SRBD1: variants seen among roughly 807,000 people sequenced by gnomAD.
SRBD1 encodes S1 RNA binding domain 1, also known as S1 RNA-binding domain-containing protein 1.
Under a neutral mutation model 115.3 loss-of-function variants are expected in SRBD1, and 88 were observed. The observed-to-expected ratio is 0.76, with a 90% CI of 0.64 to 0.91. The LOEUF (loss-of-function observed/expected upper bound fraction) is 0.91. Among genes scored for constraint, SRBD1 ranks in the 40% least tolerant of loss-of-function variants. The pLI is 0.00. For synonymous variants in SRBD1, 509 were observed against 407.7 expected, an observed-to-expected ratio of 1.25 and a Z score of -2.99; for missense variants, 1,385 against 1,177.4, an observed-to-expected ratio of 1.18 and a Z score of -2.58.
At chr2:45,409,040 G>T (rs1667518895) in intron 19 of SRBD1, among the ~76,000 whole-genome samples, 1 of 152,208 alleles carries the variant, frequency 6.6e-6, no homozygotes, top group Admixed American at 6.5e-5. Context: ...ACAACATGGT[G>T]AAGCCCCGTT....
intron 16 of SRBD1, among the ~76,000 whole-genome samples, chr2:45,456,609 G>A (rs1475147668): frequency 1.3e-5 from 2 of 151,820 alleles, no homozygotes; most frequent in Non-Finnish European, 2.9e-5. Flanking sequence ...TCATCACCTG[G>A]ATGCTATCAA....
chr2:45,605,481 T>C, intron 1 of SRBD1, 40 bp from the exon 2 acceptor site: 2 of 1,562,476 alleles, frequency 1.3e-6, no homozygotes, highest in East Asian at 2.2e-5. Flanking sequence ...CACTTGAATA[T>C]TCTTATCACT....
chr2:45,609,192 C>T (rs748191573), intron 1 of SRBD1, among the ~76,000 whole-genome samples: 9 of 152,210 alleles, frequency 5.9e-5, no homozygotes, highest in Non-Finnish European at 1.2e-4. Flanking sequence ...GATGTTTTGA[C>T]ATATGTATAC....
intron 14 of SRBD1, among the ~76,000 whole-genome samples, chr2:45,538,857 A>C (rs1671845765): frequency 6.6e-6 from 1 of 152,058 alleles, no homozygotes; most frequent in Admixed American, 6.5e-5. Flanking sequence ...AATAATTTTT[A>C]TTTTCCTCTG....
chr2:45,412,872 A>G (rs1328731586), intron 19 of SRBD1, among the ~76,000 whole-genome samples: 1 of 152,184 alleles, frequency 6.6e-6, no homozygotes, highest in African/African-American at 2.4e-5. Flanking sequence ...TGCAATTTCC[A>G]TTACACACAC....
chr2:45,436,826 A>C (rs1668513219), intron 16 of SRBD1, among the ~76,000 whole-genome samples: 1 of 152,218 alleles, frequency 6.6e-6, no homozygotes, highest in Admixed American at 6.5e-5. Flanking sequence ...GGAAAGAAAG[A>C]AAACTCTTTG....
chr2:45,461,846 G>C (rs1024286512), intron 16 of SRBD1, among the ~76,000 whole-genome samples: 2 of 152,152 alleles, frequency 1.3e-5, no homozygotes, highest in Non-Finnish European at 2.9e-5. Flanking sequence ...ATTCTGTGGA[G>C]TCCTCTTCTG....
intron 16 of SRBD1, among the ~76,000 whole-genome samples, chr2:45,430,951 A>G (rs1240668815): frequency 6.6e-6 from 1 of 152,222 alleles, no homozygotes; most frequent in African/African-American, 2.4e-5. Flanking sequence ...TTTACAAGAA[A>G]AAAACCACCC....
intron 14 of SRBD1, among the ~76,000 whole-genome samples, chr2:45,509,055 T>A (rs1670882399): frequency 1.3e-5 from 2 of 152,124 alleles, no homozygotes; most frequent in African/African-American, 4.8e-5. Flanking sequence ...ACCAAATCCA[T>A]TAAAATTTTT....
At chr2:45,411,382 T>C (rs1667598143) in intron 19 of SRBD1, among the ~76,000 whole-genome samples, 1 of 152,200 alleles carries the variant, frequency 6.6e-6, no homozygotes, top group Admixed American at 6.5e-5. Flanking sequence ...CACAATGGAA[T>C]ATTACTGAGC....
intron 18 of SRBD1, among the ~76,000 whole-genome samples, chr2:45,413,860 A>C: frequency 6.6e-6 from 1 of 152,134 alleles, no homozygotes; most frequent in East Asian, 1.9e-4. Flanking sequence ...TAAACCTGGC[A>C]GGCGGCGGTT....
At chr2:45,439,157 G>A (rs1044172302) in intron 16 of SRBD1, among the ~76,000 whole-genome samples, 14 of 151,722 alleles carry the variant, frequency 9.2e-5, no homozygotes, top group South Asian at 2.1e-4. Flanking sequence ...TAAAGATAAC[G>A]GAAAAGGGAT....
In SRBD1 at chr2:45,585,669, G is replaced by T; in HGVS notation, c.754C>A (p.Leu252Ile). ...IPFIIRYRKE[L>I]INNLDADSLR... ...GAATCAGCATCAAGGTTATTAATGA[G>T]CTCTTTTCTATAACGTATAATGAAG... is the stretch of plus-strand genomic sequence containing the variant. The change falls in exon 5 of 21, where the codon CTC becomes ATC. Residue 252 changes from leucine (L) to isoleucine (I), a missense_variant. Transcript: ENST00000263736. 6.2e-7 allele frequency: 1 copy of T among 1,612,336 alleles called. No individual in the cohort carries two copies. The highest frequency in any genetic ancestry group is 8.5e-7 in the Non-Finnish European group (1 of 1,179,544).
intron 10 of SRBD1, among the ~76,000 whole-genome samples, chr2:45,560,039 C>A (rs2104093740): frequency 1.3e-5 from 2 of 152,150 alleles, no homozygotes; most frequent in East Asian, 3.9e-4. Context: ...CAAGATCATG[C>A]CACTGCACTC....
intron 16 of SRBD1, among the ~76,000 whole-genome samples, chr2:45,451,754 G>A (rs1267880450): frequency 1.3e-5 from 2 of 150,680 alleles, no homozygotes; most frequent in Non-Finnish European, 3.0e-5. Context: ...CAGCAACGAA[G>A]AGACTTTAAG....
intron 14 of SRBD1, chr2:45,546,278 A>G (rs936655576): frequency 1.0e-6 from 1 of 985,326 alleles, no homozygotes; most frequent in African/African-American, 1.7e-5. Flanking sequence ...ATAAATGAGG[A>G]AAGAATACTG....
At chr2:45,400,919 G>C (rs1373150752) in intron 19 of SRBD1, among the ~76,000 whole-genome samples, 4 of 152,136 alleles carry the variant, frequency 2.6e-5, no homozygotes, top group Non-Finnish European at 5.9e-5. Context: ...GTTATGTCAA[G>C]TCTCAGGTTC....
chr2:45,605,357 C>T lies in SRBD1; in HGVS notation c.80+5G>A, dbSNP rs1674233449. 2 of 1,612,062 alleles carry T rather than the reference C, an allele frequency of 1.2e-6. No individual in the cohort carries two copies. The highest frequency in any genetic ancestry group is 1.7e-5 in the Admixed American group (1 of 59,952). On this transcript the variant is annotated splice_donor_5th_base_variant and intron_variant, in intron 2 of 20. Transcript: ENST00000263736. ...CCTACCCACATATTAAACCAGTATG[C>T]TTACAACTCAGAGAATGAAGAAAAT...
At chr2:45,420,096 A>G (rs1184751323) in intron 16 of SRBD1, among the ~76,000 whole-genome samples, 3 of 152,212 alleles carry the variant, frequency 2.0e-5, no homozygotes, top group African/African-American at 4.8e-5. Flanking sequence ...ATATATACCT[A>G]ATTTGAATAT....
Sources: allele counts gnomAD v4.1 joint callset (sites outside exome capture counted in the v4.1 genomes callset), GRCh38; gene constraint gnomAD v4.1.1; transcripts MANE v1.5; gene names NCBI Gene and HGNC (gene_info 2026-07-23, HGNC 2026-07-21).